LRBA: variants seen among roughly 807,000 people sequenced by gnomAD.
LRBA encodes LPS responsive beige-like anchor protein, also known as lipopolysaccharide-responsive and beige-like anchor protein.
In LRBA, 176 loss-of-function variants were observed where a neutral mutation model predicts 330.0. That is an observed-to-expected ratio of 0.53 (90% CI 0.47 to 0.60). LRBA has a LOEUF of 0.60. Among genes scored for constraint, LRBA ranks in the 20% least tolerant of loss-of-function variants. The pLI, the probability that LRBA is intolerant of heterozygous loss-of-function variation, is 0.00. For synonymous variants in LRBA, 1,230 were observed against 1,193.0 expected (o/e 1.03, Z -0.64); for missense variants, 3,259 against 3,444.8 (o/e 0.95, Z 1.35).
chr4:150,492,307 T>A (rs1759061917), intron 40 of LRBA, among the ~76,000 whole-genome samples: 1 of 152,088 alleles, frequency 6.6e-6, no homozygotes, highest in Non-Finnish European at 1.5e-5. Context: ...AGGGAGAGTG[T>A]TTCTTGAAAA....
intron 2 of LRBA, among the ~76,000 whole-genome samples, chr4:150,962,103 T>G (rs1213444802): frequency 6.7e-6 from 1 of 149,472 alleles, no homozygotes; most frequent in Non-Finnish European, 1.5e-5. Flanking sequence ...AGGTGACATC[T>G]CAAATCATGG....
Position 150,349,986 on chromosome 4 carries a change from A to G in LRBA, c.7362+6T>C. ...ATAAGTTGCTTTCTCAATTCAGATAACTTACCTCTCTCAACACAGGATCAG... is the reference window on the plus strand; with the variant it reads ...ATAAGTTGCTTTCTCAATTCAGATAGCTTACCTCTCTCAACACAGGATCAG... On this transcript the variant is annotated splice_donor_region_variant and intron_variant, in intron 48 of 56. Coordinates refer to ENST00000651943, the MANE Select transcript of LRBA (RefSeq NM_001364905.1). 6.2e-7 allele frequency: 1 copy of G among 1,613,188 alleles called. No homozygotes were observed. Among genetic ancestry groups the G allele is most frequent in the Non-Finnish European group, 8.5e-7 (1 of 1,179,506 alleles).
intron 37 of LRBA, among the ~76,000 whole-genome samples, chr4:150,643,607 G>A (rs1302931328): frequency 2.6e-5 from 4 of 152,084 alleles, no homozygotes; most frequent in Admixed American, 1.3e-4. Flanking sequence ...AAGCAGTCCA[G>A]TGTTGTCAGA....
At chr4:150,280,779 A>T (rs572568570) in intron 55 of LRBA, among the ~76,000 whole-genome samples, 2 of 152,330 alleles carry the variant, frequency 1.3e-5, no homozygotes, top group East Asian at 3.9e-4. Context: ...TTGGATTCCC[A>T]GCCTGTGGCT....
chr4:150,552,924 C>T (rs1026800794), intron 40 of LRBA, among the ~76,000 whole-genome samples: 4 of 151,778 alleles, frequency 2.6e-5, no homozygotes, highest in African/African-American at 4.8e-5. Flanking sequence ...AAAAAAATAG[C>T]CTGGCATGGT....
intron 44 of LRBA, among the ~76,000 whole-genome samples, chr4:150,449,166 TACG>T (rs1245853207): frequency 2.6e-5 from 4 of 151,736 alleles, no homozygotes; most frequent in African/African-American, 9.7e-5. Flanking sequence ...GGGGAAAGAG[TACG>T]AGCAAAACTA....
At chr4:150,525,351 A>G (rs890734237) in intron 40 of LRBA, among the ~76,000 whole-genome samples, 4 of 152,046 alleles carry the variant, frequency 2.6e-5, no homozygotes, top group Non-Finnish European at 5.9e-5. Flanking sequence ...TCATAGCCCA[A>G]AAGATTCATT....
intron 31 of LRBA, among the ~76,000 whole-genome samples, chr4:150,809,522 T>C (rs1743286734): frequency 6.6e-6 from 1 of 152,154 alleles, no homozygotes. Flanking sequence ...TTGTACTCCA[T>C]CCTGGGTAAG....
intron 40 of LRBA, among the ~76,000 whole-genome samples, chr4:150,516,164 T>C (rs182507197): frequency 2.0e-5 from 3 of 147,584 alleles, no homozygotes; most frequent in African/African-American, 4.9e-5. Flanking sequence ...TAAAAACAAA[T>C]ATATATTTTT....
intron 2 of LRBA, among the ~76,000 whole-genome samples, chr4:150,947,582 T>G (rs773835847): frequency 2.0e-5 from 3 of 152,094 alleles, no homozygotes; most frequent in Non-Finnish European, 2.9e-5. Context: ...TTATACTCAA[T>G]GATAAAAGAC....
intron 37 of LRBA, among the ~76,000 whole-genome samples, chr4:150,613,896 G>T (rs1025651784): frequency 1.3e-5 from 2 of 152,130 alleles, no homozygotes; most frequent in Non-Finnish European, 2.9e-5. Flanking sequence ...GAGAGGAAGG[G>T]AAAACTCTGA....
In LRBA at chr4:150,897,010, C is replaced by A. The variant is rs1345428796; in HGVS notation, c.2005-554G>T. ...GCTGCAATCTAAAAAAAAAAAAACA[C>A]CACAAGAAGAAAAGAAATTGGAAAA... On this transcript the variant is annotated intron_variant, in intron 15 of 56. Coordinates refer to ENST00000651943, the MANE Select transcript of LRBA (RefSeq NM_001364905.1). Among the ~76,000 whole-genome samples the A allele has an allele frequency of 4.0e-5, 6 of 148,658 alleles. No individual in the cohort carries two copies. The East Asian group carries it at 1.2e-3, about 29-fold the overall frequency.
At chr4:150,719,448 A>G (rs1582139583) in intron 36 of LRBA, among the ~76,000 whole-genome samples, 1 of 152,290 alleles carries the variant, frequency 6.6e-6, no homozygotes, top group East Asian at 1.9e-4. Context: ...TTGCAATTAC[A>G]TATTTTTTCC....
intron 34 of LRBA, among the ~76,000 whole-genome samples, chr4:150,779,714 T>C (rs1031412058): frequency 3.9e-5 from 6 of 152,174 alleles, no homozygotes; most frequent in Admixed American, 3.3e-4. Flanking sequence ...TATAAACTTA[T>C]ATAAAATTCA....
chr4:150,822,913 C>T (rs1382797557), intron 30 of LRBA, among the ~76,000 whole-genome samples: 2 of 152,094 alleles, frequency 1.3e-5, no homozygotes, highest in Non-Finnish European at 2.9e-5. Flanking sequence ...GGCATGGTGG[C>T]ACACATCAGT....
intron 37 of LRBA, among the ~76,000 whole-genome samples, chr4:150,618,869 T>TATAC (rs974893837): frequency 2.3e-5 from 3 of 129,554 alleles, no homozygotes; most frequent in African/African-American, 7.7e-5. Context: ...TATATATATA[T>TATAC]ATACACACAT....
chr4:150,846,746 T>C (rs937279895), intron 26 of LRBA, among the ~76,000 whole-genome samples: 1 of 152,112 alleles, frequency 6.6e-6, no homozygotes. Context: ...AAAAAAGATA[T>C]CACACATTTG....
At chr4:150,533,203 G>C (rs1764237971) in intron 40 of LRBA, among the ~76,000 whole-genome samples, 1 of 151,356 alleles carries the variant, frequency 6.6e-6, no homozygotes, top group Non-Finnish European at 1.5e-5. Context: ...TAATTTTTTT[G>C]AGACAGGGTC....
intron 40 of LRBA, among the ~76,000 whole-genome samples, chr4:150,566,983 A>C (rs1220825805): frequency 6.6e-6 from 1 of 152,146 alleles, no homozygotes; most frequent in Non-Finnish European, 1.5e-5. Context: ...CTAAGTATAA[A>C]ATATGCAGCA....
Sources: gnomAD v4.1 joint callset for allele counts (sites outside exome capture counted in the v4.1 genomes callset) on GRCh38, gnomAD v4.1.1 for gene constraint, MANE v1.5 for transcripts, NCBI Gene and HGNC (gene_info 2026-07-23, HGNC 2026-07-21) for gene names.